The following PRKCA variants were observed in gnomAD, a reference collection of about 807,000 sequenced individuals.
PRKCA encodes the protein protein kinase C alpha type.
In PRKCA, 27 loss-of-function variants were observed where a neutral mutation model predicts 87.0. The ratio of observed to expected loss-of-function variants is 0.31; its 90% CI spans 0.23 to 0.43. The LOEUF is 0.43. Among genes scored for constraint, PRKCA ranks in the 20% least tolerant of loss-of-function variants. The probability of loss-of-function intolerance (pLI) is 1.00; values close to 1 mark genes in which losing one functional copy is unlikely to be tolerated. For synonymous variants in PRKCA, 329 were observed against 311.1 expected, an observed-to-expected ratio of 1.06 and a Z score of -0.61; for missense variants, 518 against 852.3, an observed-to-expected ratio of 0.61 and a Z score of 4.88.
At chr17:66,602,067 C>T (rs1970055371) in intron 3 of PRKCA, among the ~76,000 whole-genome samples, 1 of 2,664 alleles carries the variant, frequency 3.8e-4, no homozygotes, top group Admixed American at 2.8e-3. Flanking sequence ...CAGAGGCAGG[C>T]AGGCCTCCTT....
rs4561502 is a variant in PRKCA, at chr17:66,400,862, C to T, written c.205+94735C>T. On this transcript the variant is annotated intron_variant, in intron 2 of 16. Transcript: ENST00000413366. ...TCAAGCTTTTCTTCATGGTTATAAA[C>T]GAATATTGTGATGAGTGATTTATCT... is the stretch of plus-strand genomic sequence containing the variant. 5.3e-5 allele frequency among the ~76,000 whole-genome samples: 8 copies of T among 151,970 alleles called. No homozygotes were observed. The South Asian group carries it at 6.2e-4, about 12-fold the overall frequency.
intron 3 of PRKCA, among the ~76,000 whole-genome samples, chr17:66,636,250 C>T (rs1971148994): frequency 6.6e-6 from 1 of 152,182 alleles, no homozygotes; most frequent in Admixed American, 6.5e-5. Context: ...ACAGCTCTGT[C>T]GCTAACACTG....
intron 8 of PRKCA, among the ~76,000 whole-genome samples, chr17:66,704,883 A>G (rs888861132): frequency 6.6e-6 from 1 of 152,170 alleles, no homozygotes; most frequent in Non-Finnish European, 1.5e-5. Context: ...TCAGAATTAG[A>G]TTTTCCCAAA....
At chr17:66,422,050 C>G (rs1298401326) in intron 2 of PRKCA, among the ~76,000 whole-genome samples, 1 of 152,022 alleles carries the variant, frequency 6.6e-6, no homozygotes, top group African/African-American at 2.4e-5. Flanking sequence ...GCCATCTCCT[C>G]CTTGTATCTT....
chr17:66,661,131 G>A (rs1971890725), intron 5 of PRKCA, among the ~76,000 whole-genome samples: 1 of 152,082 alleles, frequency 6.6e-6, no homozygotes, highest in Non-Finnish European at 1.5e-5. Flanking sequence ...GACTTTCTTT[G>A]CATTGCAGAA....
chr17:66,783,456 T>C (rs1483397417), intron 14 of PRKCA, among the ~76,000 whole-genome samples: 14 of 152,164 alleles, frequency 9.2e-5, no homozygotes, highest in Non-Finnish European at 1.8e-4. Context: ...CAGAGAAGAC[T>C]TGACAGTAAA....
At chr17:66,421,973 A>G (rs575641414) in intron 2 of PRKCA, among the ~76,000 whole-genome samples, 1 of 152,098 alleles carries the variant, frequency 6.6e-6, no homozygotes, top group Non-Finnish European at 1.5e-5. Context: ...TGGTGGCTAG[A>G]TGTTTAAGAT....
chr17:66,617,449 C>A (rs534690017), intron 3 of PRKCA, among the ~76,000 whole-genome samples: 1 of 152,238 alleles, frequency 6.6e-6, no homozygotes, highest in South Asian at 2.1e-4. Context: ...CCATTGAGAT[C>A]AAAACAGAGC....
intron 2 of PRKCA, among the ~76,000 whole-genome samples, chr17:66,324,872 G>T (rs1339171711): frequency 2.0e-5 from 3 of 152,252 alleles, no homozygotes; most frequent in Middle Eastern, 6.8e-3. Context: ...CAAATTTAGG[G>T]CTCCAGTGGC....
intron 2 of PRKCA, among the ~76,000 whole-genome samples, chr17:66,433,795 T>C (rs138547162): frequency 6.6e-6 from 1 of 152,324 alleles, no homozygotes; most frequent in Non-Finnish European, 1.5e-5. Flanking sequence ...TCCACCCATC[T>C]TGGCCTCCCA....
intron 2 of PRKCA, among the ~76,000 whole-genome samples, chr17:66,371,187 G>A (rs1467522535): frequency 6.6e-6 from 1 of 152,178 alleles, no homozygotes; most frequent in African/African-American, 2.4e-5. Context: ...TAAATCTAGA[G>A]TTAATCACTT....
At chr17:66,512,848 A>G (rs138341729) in intron 3 of PRKCA, among the ~76,000 whole-genome samples, 2,227 of 152,154 alleles carry the variant, frequency 0.015, 50 homozygotes, top group African/African-American at 0.05. Context: ...GTGCACCACC[A>G]TGCCCGGCTA....
At chr17:66,355,630 G>C (rs1567787272) in intron 2 of PRKCA, among the ~76,000 whole-genome samples, 1 of 152,078 alleles carries the variant, frequency 6.6e-6, no homozygotes, top group Admixed American at 6.6e-5. Context: ...TTTGAGAATT[G>C]GCCCTAAGCA....
At chr17:66,782,998 G>A (rs1320514473) in intron 14 of PRKCA, among the ~76,000 whole-genome samples, 2 of 152,278 alleles carry the variant, frequency 1.3e-5, no homozygotes, top group African/African-American at 4.8e-5. Context: ...GGTCACTTTC[G>A]CTGCTCCTAC....
At chr17:66,619,604 T>C (rs531141458) in intron 3 of PRKCA, among the ~76,000 whole-genome samples, 18 of 152,310 alleles carry the variant, frequency 1.2e-4, no homozygotes, top group Admixed American at 9.1e-4. Context: ...ATTATCTCCA[T>C]CCATGAACTA....
chr17:66,528,593 G>GA (rs1967430095), intron 3 of PRKCA, among the ~76,000 whole-genome samples: 1 of 152,116 alleles, frequency 6.6e-6, no homozygotes, highest in African/African-American at 2.4e-5. Context: ...CTTAATACTG[G>GA]AAAAGGCAAG....
intron 1 of PRKCA, among the ~76,000 whole-genome samples, chr17:66,305,013 G>C (rs1403795459): frequency 2.0e-5 from 3 of 152,166 alleles, no homozygotes; most frequent in African/African-American, 7.2e-5. Context: ...GCCCTTGAAG[G>C]ATCAGCCCCT....
Position 66,805,074 on chromosome 17 carries a change from C to T in PRKCA, c.*1037C>T. The T allele has an allele frequency of 2.0e-6, 2 of 982,298 alleles. No individual in the cohort carries two copies. The highest frequency in any genetic ancestry group is 1.7e-5 in the African/African-American group (1 of 57,278). The allele number at this position is 982,298 out of a possible 1,614,324, so 60.8% of individuals were successfully genotyped here. On this transcript the variant is annotated 3_prime_UTR_variant, in exon 17 of 17. Coordinates refer to ENST00000413366, the MANE Select transcript of PRKCA (RefSeq NM_002737.3). ...TTAATGGAAGTGCTGACTCTAGCAT[C>T]AGCCTCTACCGATTGATTTTCCTCC...
At chr17:66,590,311 C>G (rs1686838363) in intron 3 of PRKCA, among the ~76,000 whole-genome samples, 1 of 152,164 alleles carries the variant, frequency 6.6e-6, no homozygotes, top group African/African-American at 2.4e-5. Context: ...AAAGCACAGC[C>G]CTTGCTGTAT....
Sources: gnomAD v4.1 joint callset for allele counts (sites outside exome capture counted in the v4.1 genomes callset) on GRCh38, gnomAD v4.1.1 for gene constraint, MANE v1.5 for transcripts, NCBI Gene and HGNC (gene_info 2026-07-23, HGNC 2026-07-21) for gene names.